CAMKMT: variants seen among roughly 807,000 people sequenced by gnomAD.
CAMKMT encodes the protein calmodulin-lysine N-methyltransferase, also known as CaM KMT.
CAMKMT carries 53 observed loss-of-function variants against 48.0 expected under a neutral mutation model. The observed-to-expected ratio is 1.10, with a 90% CI of 0.89 to 1.39. The LOEUF is 1.39. Among genes scored for constraint, CAMKMT ranks in the 40% most tolerant of loss-of-function variants. CAMKMT has a pLI of 0.00. For synonymous variants in CAMKMT, 165 were observed against 152.3 expected, an observed-to-expected ratio of 1.08 and a Z score of -0.61; for missense variants, 428 against 402.7, an observed-to-expected ratio of 1.06 and a Z score of -0.54.
At chr2:44,472,137 C>G (rs1315178450) in intron 3 of CAMKMT, among the ~76,000 whole-genome samples, 1 of 152,140 alleles carries the variant, frequency 6.6e-6, no homozygotes, top group East Asian at 1.9e-4. Flanking sequence ...GTGGTACAAT[C>G]TCGGCTAACT....
intron 3 of CAMKMT, among the ~76,000 whole-genome samples, chr2:44,533,091 G>A (rs1276499158): frequency 6.6e-6 from 1 of 152,026 alleles, no homozygotes; most frequent in African/African-American, 2.4e-5. Flanking sequence ...TGGGATTACA[G>A]GCATGAGCCA....
At chr2:44,609,799 T>A (rs1183097584) in intron 3 of CAMKMT, among the ~76,000 whole-genome samples, 2 of 152,292 alleles carry the variant, frequency 1.3e-5, no homozygotes, top group Middle Eastern at 3.4e-3. Flanking sequence ...TTGGAATCAC[T>A]CATAGGGCTC....
intron 3 of CAMKMT, among the ~76,000 whole-genome samples, chr2:44,422,927 C>T (rs1232887683): frequency 6.6e-6 from 1 of 152,130 alleles, no homozygotes; most frequent in Non-Finnish European, 1.5e-5. Context: ...GTAAGGTGAG[C>T]TCCTTGTTCA....
At chr2:44,619,463 GTA>G (rs5830799) in intron 3 of CAMKMT, among the ~76,000 whole-genome samples, 5,588 of 149,878 alleles carry the variant, frequency 0.037, 271 homozygotes, top group African/African-American at 0.12. Flanking sequence ...GATTATGTGT[GTA>G]TATATATATA....
chr2:44,414,272 T>TA (rs1683403795), intron 3 of CAMKMT, among the ~76,000 whole-genome samples: 1 of 152,200 alleles, frequency 6.6e-6, no homozygotes, highest in African/African-American at 2.4e-5. Flanking sequence ...AACAAATATT[T>TA]ATTATCTAAC....
intron 3 of CAMKMT, among the ~76,000 whole-genome samples, chr2:44,601,508 A>T (rs577536661): frequency 2.0e-4 from 30 of 152,046 alleles, no homozygotes; most frequent in African/African-American, 7.2e-4. Flanking sequence ...AATTTTAAAA[A>T]ATCATAAAAT....
intron 3 of CAMKMT, among the ~76,000 whole-genome samples, chr2:44,603,521 T>A (rs1461013692): frequency 6.6e-6 from 1 of 152,210 alleles, no homozygotes; most frequent in African/African-American, 2.4e-5. Flanking sequence ...ACAAATACTT[T>A]ATTTGCTTTT....
At chr2:44,663,940 G>A (rs1674819964) in intron 3 of CAMKMT, among the ~76,000 whole-genome samples, 1 of 152,056 alleles carries the variant, frequency 6.6e-6, no homozygotes, top group Admixed American at 6.6e-5. Flanking sequence ...ATGGTAATAA[G>A]TCTAAGGAGA....
In CAMKMT at chr2:44,657,408, T is replaced by C. The variant is rs1180620342; in HGVS notation, c.377-46875T>C. On this transcript the variant is annotated intron_variant, in intron 3 of 10. Transcript: ENST00000378494. The surrounding 1 kb of genome is among the most constrained non-coding windows in gnomAD (Gnocchi z 4.3). ...AGGATCCCCATGAATATTGTGAACC[T>C]GAAGTTCAGAATGACTCTTCCACCC... 6.6e-6 allele frequency among the ~76,000 whole-genome samples: 1 copy of C among 152,188 alleles called. No homozygotes were observed. Among genetic ancestry groups the C allele is most frequent in the Non-Finnish European group, 1.5e-5 (1 of 68,032 alleles).
intron 3 of CAMKMT, among the ~76,000 whole-genome samples, chr2:44,693,785 G>C (rs1676788525): frequency 6.6e-6 from 1 of 152,190 alleles, no homozygotes; most frequent in Non-Finnish European, 1.5e-5. Flanking sequence ...AACATGAGCA[G>C]CTTTTCTTTT....
chr2:44,373,006 A>T, intron 2 of CAMKMT, 118 bp downstream of exon 2: 2 of 965,652 alleles, frequency 2.1e-6, no homozygotes, highest in Non-Finnish European at 3.0e-6. Context: ...CTTTTTCAGA[A>T]CTTAGGTTTT....
intron 10 of CAMKMT, among the ~76,000 whole-genome samples, chr2:44,768,342 G>GATATATATATATATATATATATATAT (rs35422115): frequency 9.0e-6 from 1 of 111,462 alleles, no homozygotes; most frequent in Non-Finnish European, 1.8e-5. Flanking sequence ...GGGCGCCCAT[G>GATATATATATATATATATATATATAT]ATATATATAT....
intron 3 of CAMKMT, chr2:44,457,148 A>G (rs780489111): frequency 3.3e-5 from 5 of 152,220 alleles, no homozygotes; most frequent in African/African-American, 1.2e-4. Context: ...TCCTTCATCA[A>G]CCCAGTTTCC....
At position 44,400,499 on chromosome 2, in the gene CAMKMT, A is replaced by C. The variant is rs6737345; in HGVS notation, c.376+10194A>C. ...TCCCTGATGCATATTGTATATTTGG[A>C]AGCATTTAAGATGTTAAACTTTGTA... is the stretch of plus-strand genomic sequence containing the variant. On this transcript the variant is annotated intron_variant, in intron 3 of 10. Coordinates refer to ENST00000378494, the MANE Select transcript of CAMKMT (RefSeq NM_024766.5). Among the ~76,000 whole-genome samples the C allele has an allele frequency of 5.5e-3, 841 of 152,260 alleles. 8 individuals carry two copies. The highest frequency in any genetic ancestry group is 0.019 in the African/African-American group (788 of 41,540).
intron 3 of CAMKMT, among the ~76,000 whole-genome samples, chr2:44,651,409 C>T (rs1042883529): frequency 6.6e-6 from 1 of 152,104 alleles, no homozygotes. Flanking sequence ...TTTAGCCAGA[C>T]GCCGTGGCAT....
chr2:44,421,964 A>AAT (rs748708105), intron 3 of CAMKMT, among the ~76,000 whole-genome samples: 2 of 152,202 alleles, frequency 1.3e-5, no homozygotes, highest in Non-Finnish European at 2.9e-5. Context: ...TTGGGAAATA[A>AAT]AGAGGAACCA....
chr2:44,628,855 C>T (rs1672643812), intron 3 of CAMKMT, among the ~76,000 whole-genome samples: 1 of 152,094 alleles, frequency 6.6e-6, no homozygotes, highest in East Asian at 1.9e-4. Context: ...TGATTTTCAA[C>T]TTAATTTTAG....
intron 3 of CAMKMT, among the ~76,000 whole-genome samples, chr2:44,686,543 C>T (rs1358890627): frequency 6.6e-6 from 1 of 152,182 alleles, no homozygotes; most frequent in Non-Finnish European, 1.5e-5. Flanking sequence ...GAACTCTCTA[C>T]TATCTTTGCA....
intron 3 of CAMKMT, among the ~76,000 whole-genome samples, chr2:44,620,650 C>T (rs1572934169): frequency 6.6e-6 from 1 of 152,338 alleles, no homozygotes; most frequent in South Asian, 2.1e-4. Context: ...ACTTGAACAT[C>T]TATTCTGTGA....
Sources: allele counts gnomAD v4.1 joint callset (sites outside exome capture counted in the v4.1 genomes callset), GRCh38; gene constraint gnomAD v4.1.1; non-coding constraint Gnocchi (gnomAD v3.1); transcripts MANE v1.5; gene names NCBI Gene and HGNC (gene_info 2026-07-23, HGNC 2026-07-21).